RANBP17: variants seen among roughly 807,000 people sequenced by gnomAD.
The protein encoded by RANBP17 is RAN binding protein 17.
RANBP17 carries 158 observed loss-of-function variants against 141.2 expected under a neutral mutation model. The observed-to-expected ratio is 1.12, with a 90% CI of 0.98 to 1.28. RANBP17 has a LOEUF of 1.28. Among genes scored for constraint, RANBP17 ranks in the 50% most tolerant of loss-of-function variants. The probability of loss-of-function intolerance (pLI) is 0.00; values close to 1 mark genes in which losing one functional copy is unlikely to be tolerated. For synonymous variants in RANBP17, 430 were observed against 450.0 expected (o/e 0.96, Z 0.56); for missense variants, 1,438 against 1,290.7 (o/e 1.11, Z -1.75).
At chr5:170,930,156 AT>A (rs1036460152) in intron 12 of RANBP17, among the ~76,000 whole-genome samples, 1 of 149,828 alleles carries the variant, frequency 6.7e-6, no homozygotes, top group East Asian at 2.0e-4. Context: ...TATTTCACTG[AT>A]TTTTTTTCGC....
chr5:171,099,930 G>C (rs959924694), intron 14 of RANBP17, among the ~76,000 whole-genome samples: 5 of 152,208 alleles, frequency 3.3e-5, no homozygotes, highest in Non-Finnish European at 4.4e-5. Flanking sequence ...TGTTGAACCA[G>C]CCTTGCTTCC....
intron 14 of RANBP17, among the ~76,000 whole-genome samples, chr5:171,009,381 TA>T (rs1779872512): frequency 6.6e-6 from 1 of 152,214 alleles, no homozygotes; most frequent in Non-Finnish European, 1.5e-5. Context: ...AAGTTGCTTA[TA>T]ATCTAAATCT....
At chr5:170,975,919 G>A (rs953999326) in intron 14 of RANBP17, among the ~76,000 whole-genome samples, 18 of 151,888 alleles carry the variant, frequency 1.2e-4, no homozygotes, top group Non-Finnish European at 2.6e-4. Context: ...TCGAGAGTAA[G>A]ACAAGCATGG....
intron 25 of RANBP17, among the ~76,000 whole-genome samples, chr5:171,283,551 C>T (rs1410134932): frequency 6.6e-6 from 1 of 152,206 alleles, no homozygotes; most frequent in Non-Finnish European, 1.5e-5. Context: ...GAAAATTCTG[C>T]ATGGTTTAAA....
At chr5:170,875,866 C>T (rs1407812924) in intron 1 of RANBP17, among the ~76,000 whole-genome samples, 2 of 152,196 alleles carry the variant, frequency 1.3e-5, no homozygotes, top group South Asian at 2.1e-4. Flanking sequence ...TTGATTCTTT[C>T]TCATCTTCAT....
chr5:171,283,402 C>T (rs1767967724), intron 25 of RANBP17, among the ~76,000 whole-genome samples: 1 of 152,184 alleles, frequency 6.6e-6, no homozygotes, highest in South Asian at 2.1e-4. Flanking sequence ...CGCTTTCAGT[C>T]ACTAGCATTC....
At position 171,203,942 on chromosome 5, in the gene RANBP17, A is replaced by G. The variant is rs373266972; in HGVS notation, c.2143-1582A>G. Among the ~76,000 whole-genome samples, 193 of 152,308 alleles carry G rather than the reference A, an allele frequency of 1.3e-3. 9 individuals are homozygous for G. The South Asian group carries it at 0.039, about 30-fold the overall frequency. ...AAGGAGTCAGAATAGAATAGTTTGAAGAAGGCTTCTTAGAAGATGTATTTT... is the reference window on the plus strand; with the variant it reads ...AAGGAGTCAGAATAGAATAGTTTGAGGAAGGCTTCTTAGAAGATGTATTTT... On this transcript the variant is annotated intron_variant, in intron 19 of 27. Coordinates refer to ENST00000523189, the MANE Select transcript of RANBP17 (RefSeq NM_022897.5).
chr5:171,018,385 G>A (rs202067182), intron 14 of RANBP17, among the ~76,000 whole-genome samples: 17 of 152,044 alleles, frequency 1.1e-4, no homozygotes, highest in East Asian at 9.7e-4. Flanking sequence ...CTTCCTATCC[G>A]TGAGGATGGA....
intron 14 of RANBP17, among the ~76,000 whole-genome samples, chr5:171,052,862 C>CT (rs1214960513): frequency 6.6e-6 from 1 of 152,058 alleles, no homozygotes. Flanking sequence ...AAATGTCTTT[C>CT]TTTTTTTGAG....
chr5:170,932,739 T>A (rs1344283818), intron 12 of RANBP17, among the ~76,000 whole-genome samples: 1 of 152,184 alleles, frequency 6.6e-6, no homozygotes, highest in Admixed American at 6.5e-5. Flanking sequence ...TGAACCAGCC[T>A]TGCATCCCAG....
At chr5:170,890,113 T>C (rs1215009372) in intron 3 of RANBP17, among the ~76,000 whole-genome samples, 1 of 152,164 alleles carries the variant, frequency 6.6e-6, no homozygotes, top group African/African-American at 2.4e-5. Context: ...TCCTATTTGT[T>C]TGTTTTATTA....
At chr5:170,919,716 T>A (rs2127437184) in intron 11 of RANBP17, 103 bp downstream of exon 11, 1 of 847,720 alleles carries the variant, frequency 1.2e-6, no homozygotes, top group East Asian at 2.6e-5. Flanking sequence ...CGTACAGTTG[T>A]ATGATTTCTG....
In RANBP17 at chr5:171,213,715, T is replaced by A; in HGVS notation, c.2316T>A (p.Leu772=). The change falls in exon 21 of 28, where the codon CTT becomes CTA. Residue 772 remains leucine, a synonymous_variant. Transcript: ENST00000523189. Reference sequence around the variant, plus strand: ...CATGTACAACTCCCATCTTGAAACTTATGGCAGAACTTATGCAAAACAGGT... The same window carrying A: ...CATGTACAACTCCCATCTTGAAACTAATGGCAGAACTTATGCAAAACAGGT... ...EPTCTTPILK[L]MAELMQNRSQ... The A allele has an allele frequency of 1.2e-6, 2 of 1,613,360 alleles. No individual in the cohort carries two copies. Among genetic ancestry groups the A allele is most frequent in the South Asian group, 2.2e-5 (2 of 91,034 alleles).
At position 171,009,216 on chromosome 5, in the gene RANBP17, A is replaced by T. The variant is rs539063877; in HGVS notation, c.1710+40839A>T. On this transcript the variant is annotated intron_variant, in intron 14 of 27. Coordinates refer to ENST00000523189, the MANE Select transcript of RANBP17 (RefSeq NM_022897.5). The stretch of plus-strand genomic sequence containing the variant: ...ATCACTTAGTAGGTTTGTGACAGTT[A>T]AGCAATTTACCTAACTTTTCTGCAT... Among the ~76,000 whole-genome samples the T allele has an allele frequency of 2.6e-5, 4 of 152,308 alleles. No homozygotes were observed. The South Asian group carries it at 8.3e-4, about 32-fold the overall frequency.
At chr5:170,958,252 G>A (rs1775880939) in intron 13 of RANBP17, among the ~76,000 whole-genome samples, 1 of 152,122 alleles carries the variant, frequency 6.6e-6, no homozygotes, top group Admixed American at 6.6e-5. Flanking sequence ...ATGTTTCCTG[G>A]CCTCTTTGAG....
chr5:171,245,174 T>C (rs1765138612), intron 24 of RANBP17, among the ~76,000 whole-genome samples: 1 of 152,148 alleles, frequency 6.6e-6, no homozygotes, highest in Non-Finnish European at 1.5e-5. Context: ...CCTTGTCTAC[T>C]GATGTGATTT....
intron 14 of RANBP17, among the ~76,000 whole-genome samples, chr5:171,003,618 G>A (rs1377617381): frequency 2.0e-5 from 3 of 152,188 alleles, no homozygotes. Flanking sequence ...GCAGGAGGGT[G>A]TCCTGTTGAG....
chr5:171,190,080 A>G (rs1172587677), intron 18 of RANBP17, among the ~76,000 whole-genome samples: 2 of 152,170 alleles, frequency 1.3e-5, no homozygotes, highest in African/African-American at 4.8e-5. Flanking sequence ...AAAGTGTTGG[A>G]TGTGATTCTT....
chr5:171,282,825 A>C (rs568675666), intron 25 of RANBP17, among the ~76,000 whole-genome samples: 1 of 152,176 alleles, frequency 6.6e-6, no homozygotes, highest in African/African-American at 2.4e-5. Flanking sequence ...CAGACCTCCT[A>C]AAGGCTCAGA....
Sources: allele counts gnomAD v4.1 joint callset (sites outside exome capture counted in the v4.1 genomes callset), GRCh38; gene constraint gnomAD v4.1.1; transcripts MANE v1.5; gene names NCBI Gene and HGNC (gene_info 2026-07-23, HGNC 2026-07-21).